SASH1: variants seen among roughly 807,000 people sequenced by gnomAD.
SASH1 encodes SAM and SH3 domain-containing protein 1.
A neutral mutation model predicts 125.2 loss-of-function variants in SASH1; 44 were observed. That is an observed-to-expected ratio of 0.35 (90% CI 0.28 to 0.45). SASH1 has a LOEUF of 0.45. Ranked by LOEUF, SASH1 falls within the 20% of genes least tolerant of loss-of-function variation. SASH1 has a pLI of 1.00. For synonymous variants in SASH1, 639 were observed against 649.1 expected (o/e 0.98, Z 0.24); for missense variants, 1,426 against 1,614.5 (o/e 0.88, Z 2.00).
At chr6:148,352,840 G>T (rs1319077096) in intron 1 of SASH1, among the ~76,000 whole-genome samples, 1 of 151,632 alleles carries the variant, frequency 6.6e-6, no homozygotes, top group Non-Finnish European at 1.5e-5. Context: ...GTGGTAGTGG[G>T]CACTTGTAAT....
At chr6:148,264,272 C>T in the SASH1 span, among the ~76,000 whole-genome samples, 1 of 151,910 alleles carries the variant, frequency 6.6e-6, no homozygotes, top group East Asian at 1.9e-4. Context: ...ATCTCTGTCC[C>T]AGCTGGGAAT....
At chr6:148,417,582 A>AAAATAAATAAATAAATAAATATAT (rs1784878293) in intron 2 of SASH1, among the ~76,000 whole-genome samples, 2 of 147,694 alleles carry the variant, frequency 1.4e-5, no homozygotes, top group Non-Finnish European at 3.0e-5. Context: ...GGACTCTGTC[A>AAAATAAATAAATAAATAAATATAT]AAATAAATAA....
At chr6:148,497,739 C>T (rs1478561471) in intron 8 of SASH1, among the ~76,000 whole-genome samples, 1 of 152,212 alleles carries the variant, frequency 6.6e-6, no homozygotes, top group Non-Finnish European at 1.5e-5. Flanking sequence ...TACTTGGTTA[C>T]ACTTTTACCA....
chr6:148,194,275 T>G, the SASH1 span, among the ~76,000 whole-genome samples: 1 of 152,182 alleles, frequency 6.6e-6, no homozygotes, highest in South Asian at 2.1e-4. Context: ...AGTCCCTCTA[T>G]CCAAACAACC....
At position 148,438,757 on chromosome 6, in the gene SASH1, C is replaced by CA. The variant is rs58204987; in HGVS notation, c.286-1416dup. 5.5e-3 allele frequency among the ~76,000 whole-genome samples: 435 copies of CA among 79,472 alleles called. 6 individuals are homozygous for CA. Among genetic ancestry groups the CA allele is most frequent in the Admixed American group, 0.034 (269 of 7,902 alleles). The allele number at this position is 79,472 out of a possible 152,430, so 52.1% of individuals were successfully genotyped here. On this transcript the variant is annotated intron_variant, in intron 2 of 19. Coordinates refer to ENST00000367467, the MANE Select transcript of SASH1 (RefSeq NM_015278.5). ...AAAAAAAAAAAAAAACCAAAACAAA[C>CA]AAAAAAAAAAACCACGTAACATAAA...
chr6:148,375,296 C>T (rs1371626702), intron 1 of SASH1, among the ~76,000 whole-genome samples: 3 of 151,980 alleles, frequency 2.0e-5, no homozygotes, highest in Admixed American at 6.6e-5. Flanking sequence ...CTGGCCACAA[C>T]ATGATGTTGT....
intron 1 of SASH1, among the ~76,000 whole-genome samples, chr6:148,378,009 G>A (rs1240418928): frequency 1.3e-5 from 2 of 151,686 alleles, no homozygotes; most frequent in Non-Finnish European, 2.9e-5. Context: ...GGGTTCAGAT[G>A]CCAAACTTCC....
At chr6:148,539,229 G>GGGGT (rs1397135429) in intron 16 of SASH1, among the ~76,000 whole-genome samples, 2 of 151,788 alleles carry the variant, frequency 1.3e-5, no homozygotes, top group East Asian at 3.8e-4. Context: ...AGTAGCTTTG[G>GGGGT]GGGTATAAGT....
upstream of SASH1, among the ~76,000 whole-genome samples, chr6:148,342,039 C>T (rs760609815): frequency 1.2e-4 from 19 of 152,180 alleles, no homozygotes; most frequent in Non-Finnish European, 2.2e-4. Context: ...TGACTGGCTA[C>T]ACAATCATTT....
intron 2 of SASH1, among the ~76,000 whole-genome samples, chr6:148,421,344 C>G (rs2495942): frequency 0.44 from 66,809 of 152,032 alleles, 14,808 homozygotes; most frequent in South Asian, 0.67. Context: ...CGCTCTGTTA[C>G]CTGGGCTGGA....
At chr6:148,324,857 C>T (rs1404089327) in intron 1 of SASH1, among the ~76,000 whole-genome samples, 2 of 152,154 alleles carry the variant, frequency 1.3e-5, no homozygotes, top group East Asian at 1.9e-4. Context: ...CCTAAGTCTG[C>T]TAACTCACCC....
At position 148,332,200 on chromosome 6, in the gene SASH1, A is replaced by G. The variant is rs184016985; in HGVS notation, n.75-57934A>G. 2.9e-3 allele frequency among the ~76,000 whole-genome samples: 423 copies of G among 148,262 alleles called. 1 individual carries two copies. Among genetic ancestry groups the G allele is most frequent in the African/African-American group, 7.9e-3 (313 of 39,748 alleles). ...CTCACCTGTAAGGCATTTGTGGGGG[A>G]AAAAAAAAATGGTGTGGATTTGTGA... On this transcript the variant is annotated intron_variant and non_coding_transcript_variant, in intron 1 of 3. Transcript: ENST00000367469.
intron 11 of SASH1, 68 bp from the exon 12 acceptor site, chr6:148,527,385 G>T: frequency 7.1e-7 from 1 of 1,408,896 alleles, no homozygotes; most frequent in Non-Finnish European, 9.5e-7. Context: ...GGATGTTAAT[G>T]GTTTAAATAA....
intron 1 of SASH1, among the ~76,000 whole-genome samples, chr6:148,307,054 TTCTTTCTTTC>T (rs1562316557): frequency 4.1e-5 from 6 of 145,932 alleles, no homozygotes; most frequent in Non-Finnish European, 6.0e-5. Flanking sequence ...CTTTCTTTCT[TTCTTTCTTTC>T]TTTCTTTCTT....
chr6:148,543,553 G>A (rs2115451681), intron 17 of SASH1, 127 bp from the exon 18 acceptor site: 1 of 730,000 alleles, frequency 1.4e-6, no homozygotes, highest in Non-Finnish European at 2.1e-6. Flanking sequence ...GTGATTTTAT[G>A]TTTTTAGTGT....
At chr6:148,439,204 C>G (rs1390555754) in intron 2 of SASH1, among the ~76,000 whole-genome samples, 1 of 152,168 alleles carries the variant, frequency 6.6e-6, no homozygotes, top group Non-Finnish European at 1.5e-5. Flanking sequence ...GAGGGTGTTA[C>G]ACCATATGGT....
intron 1 of SASH1, among the ~76,000 whole-genome samples, chr6:148,336,998 C>G (rs973962686): frequency 1.3e-5 from 2 of 152,176 alleles, no homozygotes; most frequent in African/African-American, 4.8e-5. Context: ...CTAAATACCC[C>G]ACAACTTGTA....
rs558815944 is a variant in SASH1, at chr6:148,528,385, A to T, written c.1428+789A>T. Among the ~76,000 whole-genome samples, 6 of 152,278 alleles carry T rather than the reference A, an allele frequency of 3.9e-5. No homozygotes were observed. The South Asian group carries it at 1.2e-3, about 32-fold the overall frequency. On this transcript the variant is annotated intron_variant, in intron 12 of 19. Coordinates refer to ENST00000367467, the MANE Select transcript of SASH1 (RefSeq NM_015278.5). Reference sequence around the variant, plus strand: ...TATGAGCTGGTTGTCTGCTTGAAATATGTAGGTAATGCACTTTATCTACCA... The same window carrying T: ...TATGAGCTGGTTGTCTGCTTGAAATTTGTAGGTAATGCACTTTATCTACCA...
chr6:148,540,405 C>G (rs1033780313), intron 16 of SASH1, 38 bp from the exon 17 acceptor site: 8 of 1,532,904 alleles, frequency 5.2e-6, no homozygotes, highest in Middle Eastern at 1.7e-4. Flanking sequence ...CTGCTTTTCA[C>G]TCACCTTGTT....
Sources: allele counts gnomAD v4.1 joint callset (sites outside exome capture counted in the v4.1 genomes callset), GRCh38; gene constraint gnomAD v4.1.1; transcripts MANE v1.5; gene names NCBI Gene and HGNC (gene_info 2026-07-23, HGNC 2026-07-21).